GLIS3: variants seen among roughly 807,000 people sequenced by gnomAD.
The protein encoded by GLIS3 is GLIS family zinc finger 3.
A neutral mutation model predicts 78.6 loss-of-function variants in GLIS3; 53 were observed. The ratio of observed to expected loss-of-function variants is 0.67; its 90% CI spans 0.54 to 0.85. The LOEUF (loss-of-function observed/expected upper bound fraction) is 0.85, where lower values mean the gene tolerates loss of function less well. GLIS3 is among the 40% of genes least tolerant of loss of function. GLIS3 has a pLI of 0.00. For missense variants in GLIS3, 1,703 were observed against 1,231.1 expected (o/e 1.38, Z -5.74); for synonymous variants, 684 against 509.9 (o/e 1.34, Z -4.60).
chr9:4,135,898 C>A (rs1833371803), intron 2 of GLIS3, among the ~76,000 whole-genome samples: 1 of 152,172 alleles, frequency 6.6e-6, no homozygotes, highest in African/African-American at 2.4e-5. Context: ...ACACCCTAGG[C>A]TTGCTATGTA....
intron 2 of GLIS3, among the ~76,000 whole-genome samples, chr9:4,332,467 T>G (rs575076349): frequency 3.3e-5 from 5 of 152,324 alleles, no homozygotes; most frequent in Admixed American, 3.3e-4. Context: ...GTACACAGAA[T>G]CTTTTTCACA....
chr9:4,128,299 C>T (rs562829479), intron 2 of GLIS3, among the ~76,000 whole-genome samples: 51 of 152,308 alleles, frequency 3.3e-4, no homozygotes, highest in Admixed American at 6.5e-4. Flanking sequence ...TCCACATCTC[C>T]CATCACACAT....
the GLIS3 span, among the ~76,000 whole-genome samples, chr9:4,435,983 CAAAT>C: frequency 2.0e-5 from 3 of 150,054 alleles, no homozygotes; most frequent in African/African-American, 7.3e-5. Context: ...CAAAAACAAA[CAAAT>C]AAAAATCTTC....
At chr9:4,261,379 G>A (rs570701920) in intron 2 of GLIS3, among the ~76,000 whole-genome samples, 40 of 152,288 alleles carry the variant, frequency 2.6e-4, no homozygotes, top group African/African-American at 9.6e-4. Flanking sequence ...GGAAGAAAGG[G>A]AGACAGGGGA....
chr9:4,066,848 T>C (rs79073859), intron 4 of GLIS3, among the ~76,000 whole-genome samples: 2,409 of 152,282 alleles, frequency 0.016, 76 homozygotes, highest in African/African-American at 0.055. Flanking sequence ...GGACGCCCAG[T>C]GGCACTTACG....
the GLIS3 span, among the ~76,000 whole-genome samples, chr9:4,430,704 G>T: frequency 6.6e-6 from 1 of 152,094 alleles, no homozygotes; most frequent in East Asian, 1.9e-4. Context: ...AATGGCCACT[G>T]GAGAATGTGT....
At chr9:4,420,659 G>C in the GLIS3 span, among the ~76,000 whole-genome samples, 19 of 152,252 alleles carry the variant, frequency 1.2e-4, no homozygotes, top group Non-Finnish European at 2.6e-4. Flanking sequence ...AACAGCCGCT[G>C]ATCTCTTTTG....
In GLIS3 at chr9:3,879,531, T is replaced by C. The variant is rs145475302; in HGVS notation, c.2193A>G (p.Pro731=). Residue 731 remains proline (P), a synonymous_variant, in exon 8 of 11, where the codon CCA becomes CCG. Transcript: ENST00000381971. ...CTGGAGAAGGGTGACTGACAGGATG[T>C]GGGGGTGGTACGGCCCCAGCAGCTG... ...SGTAAGAVPP[P]HPVSHPSPGH... The C allele has an allele frequency of 5.6e-6, 9 of 1,613,950 alleles. No individual in the cohort carries two copies. The African/African-American group carries it at 1.1e-4, about 19-fold the overall frequency.
At chr9:4,018,732 T>G (rs1205010485) in intron 4 of GLIS3, among the ~76,000 whole-genome samples, 3 of 152,152 alleles carry the variant, frequency 2.0e-5, no homozygotes, top group African/African-American at 7.2e-5. Flanking sequence ...GGAAGGCAGG[T>G]ATACACACTT....
At chr9:4,058,718 A>T (rs753744458) in intron 4 of GLIS3, among the ~76,000 whole-genome samples, 3 of 152,240 alleles carry the variant, frequency 2.0e-5, no homozygotes, top group South Asian at 4.1e-4. Context: ...CGGTAGCTCA[A>T]GCCTGTAATC....
intron 2 of GLIS3, among the ~76,000 whole-genome samples, chr9:4,209,371 T>C (rs7034559): frequency 0.64 from 97,747 of 151,996 alleles, 31,726 homozygotes; most frequent in Middle Eastern, 0.71. Flanking sequence ...GGCATGTTAC[T>C]GGCATTCATG....
intron 4 of GLIS3, among the ~76,000 whole-genome samples, chr9:3,937,949 A>G (rs1825986541): frequency 6.6e-6 from 1 of 152,354 alleles, no homozygotes; most frequent in African/African-American, 2.4e-5. Flanking sequence ...TTAAGATTTC[A>G]ATAAATGTGT....
At chr9:3,859,644 GAC>G (rs1468612091) in intron 8 of GLIS3, among the ~76,000 whole-genome samples, 6 of 152,158 alleles carry the variant, frequency 3.9e-5, no homozygotes, top group African/African-American at 1.4e-4. Flanking sequence ...AGCCAGAAGA[GAC>G]ACCTTCTGAC....
chr9:4,451,266 T>C, the GLIS3 span, among the ~76,000 whole-genome samples: 1 of 152,130 alleles, frequency 6.6e-6, no homozygotes, highest in Non-Finnish European at 1.5e-5. Context: ...CACTACATGA[T>C]GGTAAAGGGA....
chr9:3,858,182 A>G (rs934021947), intron 8 of GLIS3, among the ~76,000 whole-genome samples: 3 of 152,088 alleles, frequency 2.0e-5, no homozygotes, highest in African/African-American at 7.2e-5. Flanking sequence ...CTTGCTCTAG[A>G]TGGTTTTCCA....
intron 1 of GLIS3, among the ~76,000 whole-genome samples, chr9:4,288,691 A>AT (rs575495107): frequency 3.3e-5 from 5 of 151,938 alleles, no homozygotes; most frequent in East Asian, 1.9e-4. Flanking sequence ...ATTTTATTTT[A>AT]TTTTTTTTAT....
intron 4 of GLIS3, among the ~76,000 whole-genome samples, chr9:3,996,829 T>G (rs1820781426): frequency 6.6e-6 from 1 of 151,996 alleles, no homozygotes; most frequent in African/African-American, 2.4e-5. Flanking sequence ...TTAATAATAA[T>G]AGGAATGAAA....
intron 7 of GLIS3, among the ~76,000 whole-genome samples, chr9:3,885,095 C>G (rs1469451079): frequency 2.0e-5 from 3 of 152,204 alleles, no homozygotes; most frequent in African/African-American, 7.2e-5. Context: ...AAAATTACTT[C>G]AGGCAAGAAA....
At chr9:4,414,897 G>C in the GLIS3 span, among the ~76,000 whole-genome samples, 1 of 151,198 alleles carries the variant, frequency 6.6e-6, no homozygotes, top group Non-Finnish European at 1.5e-5. Flanking sequence ...CCTTACTCCT[G>C]AAGTTTCCTT....
Sources: allele counts gnomAD v4.1 joint callset (sites outside exome capture counted in the v4.1 genomes callset), GRCh38; gene constraint gnomAD v4.1.1; transcripts MANE v1.5; gene names NCBI Gene and HGNC (gene_info 2026-07-23, HGNC 2026-07-21).